Variants in SPRED1 observed in about 807,000 individuals in gnomAD.
SPRED1 encodes the protein sprouty related EVH1 domain containing 1.
In SPRED1, 18 loss-of-function variants were observed where a neutral mutation model predicts 52.3. The ratio of observed to expected loss-of-function variants is 0.34; its 90% CI spans 0.24 to 0.51. The LOEUF (loss-of-function observed/expected upper bound fraction) is 0.51, where lower values mean the gene tolerates loss of function less well. SPRED1 is among the 20% of genes least tolerant of loss of function. The probability of loss-of-function intolerance (pLI) is 0.97; values close to 1 mark genes in which losing one functional copy is unlikely to be tolerated. For missense variants in SPRED1, 485 were observed against 551.0 expected, an observed-to-expected ratio of 0.88 and a Z score of 1.20; for synonymous variants, 155 against 179.7, an observed-to-expected ratio of 0.86 and a Z score of 1.10.
chr15:38,341,731 T>C (rs1896034117), intron 5 of SPRED1, among the ~76,000 whole-genome samples: 1 of 152,130 alleles, frequency 6.6e-6, no homozygotes. Context: ...ACTTCATTTT[T>C]TTGATATTTG....
chr15:38,274,506 A>G (rs1047143304), intron 1 of SPRED1, among the ~76,000 whole-genome samples: 3 of 152,226 alleles, frequency 2.0e-5, no homozygotes, highest in Admixed American at 2.0e-4. Flanking sequence ...TTAGACCTAC[A>G]GGAGTAAGAA....
chr15:38,264,337 A>G (rs1280975501), intron 1 of SPRED1, among the ~76,000 whole-genome samples: 1 of 152,246 alleles, frequency 6.6e-6, no homozygotes, highest in Non-Finnish European at 1.5e-5. Flanking sequence ...TAGATTTTAA[A>G]GAAAAAATTA....
Position 38,296,546 on chromosome 15 carries a change from A to T in SPRED1, c.33-2827A>T, listed in dbSNP as rs1478287407. 2.0e-5 allele frequency among the ~76,000 whole-genome samples: 3 copies of T among 152,250 alleles called. No homozygotes were observed. In the East Asian group the frequency reaches 5.8e-4, roughly 29 times the overall value. On this transcript the variant is annotated intron_variant, in intron 1 of 6. Transcript: ENST00000299084. The stretch of plus-strand genomic sequence containing the variant: ...CTTCTTTTGCCTTTGACTTTATTGA[A>T]ATACTAGCTGAAAATTTTAGGAAAT...
chr15:38,336,440 T>G lies in SPRED1; in HGVS notation c.424-3297T>G, dbSNP rs2382134. 6.4e-5 allele frequency among the ~76,000 whole-genome samples: 9 copies of G among 141,050 alleles called. 1 individual carries two copies. The highest frequency in any genetic ancestry group is 2.4e-4 in the African/African-American group (9 of 37,866). 92.5% of individuals were successfully genotyped at this position (141,050 alleles called of 152,430 possible). A position where few individuals can be genotyped will look rare whatever the true frequency, so the allele number is the denominator to read the frequency against. On this transcript the variant is annotated intron_variant, in intron 4 of 6. Transcript: ENST00000299084. The stretch of plus-strand genomic sequence containing the variant: ...TGTGTGTGTATATATATATATAATA[T>G]TATATATATGTTATATATATAATAT...
At chr15:38,345,110 GTTT>G (rs1327160227) in intron 5 of SPRED1, among the ~76,000 whole-genome samples, 4 of 152,198 alleles carry the variant, frequency 2.6e-5, no homozygotes, top group Non-Finnish European at 5.9e-5. Flanking sequence ...CACAGGATGA[GTTT>G]TTCCATGGTA....
chr15:38,264,274 C>T (rs1400899653), intron 1 of SPRED1, among the ~76,000 whole-genome samples: 2 of 152,168 alleles, frequency 1.3e-5, no homozygotes, highest in Non-Finnish European at 2.9e-5. Context: ...AACTGAGATT[C>T]AAACTGCACA....
intron 1 of SPRED1, among the ~76,000 whole-genome samples, chr15:38,268,629 AATC>A (rs1181437226): frequency 2.0e-5 from 3 of 152,184 alleles, no homozygotes; most frequent in Non-Finnish European, 2.9e-5. Context: ...GTAAATGATA[AATC>A]ATCATACAGG....
chr15:38,295,455 G>A (rs1413955230), intron 1 of SPRED1, among the ~76,000 whole-genome samples: 1 of 152,082 alleles, frequency 6.6e-6, no homozygotes, highest in Admixed American at 6.6e-5. Context: ...ACGTCAGAAA[G>A]GTACAATAAA....
chr15:38,274,261 A>C (rs1894500456), intron 1 of SPRED1, among the ~76,000 whole-genome samples: 1 of 152,194 alleles, frequency 6.6e-6, no homozygotes, highest in South Asian at 2.1e-4. Context: ...ATGTAGGACC[A>C]GTTAACAATT....
In SPRED1 at chr15:38,356,867, A is replaced by G. The variant is rs1359759890; in HGVS notation, c.*5203A>G. The G allele has an allele frequency of 6.6e-6, 1 of 152,174 alleles. No homozygotes were observed. Among genetic ancestry groups the G allele is most frequent in the Non-Finnish European group, 1.5e-5 (1 of 67,998 alleles). 9.4% of individuals were successfully genotyped at this position (152,174 alleles called of 1,614,324 possible). A position where few individuals can be genotyped will look rare whatever the true frequency, so the allele number is the denominator to read the frequency against. On this transcript the variant is annotated 3_prime_UTR_variant, in exon 7 of 7. Coordinates refer to ENST00000299084, the MANE Select transcript of SPRED1 (RefSeq NM_152594.3). ...ATAAAAAATTATAGTGTATCTCAACACTAGAATAAGTTGGATTACTATATT... is the reference window on the plus strand; with the variant it reads ...ATAAAAAATTATAGTGTATCTCAACGCTAGAATAAGTTGGATTACTATATT...
chr15:38,265,614 C>T (rs887233954), intron 1 of SPRED1, among the ~76,000 whole-genome samples: 11 of 151,376 alleles, frequency 7.3e-5, no homozygotes, highest in Non-Finnish European at 1.6e-4. Flanking sequence ...ACAACTAGCT[C>T]TAAGTAGTTT....
chr15:38,272,948 A>T (rs1395251148), intron 1 of SPRED1, among the ~76,000 whole-genome samples: 2 of 152,108 alleles, frequency 1.3e-5, no homozygotes, highest in East Asian at 3.9e-4. Flanking sequence ...TCTTTGTTGG[A>T]TGCATAGTTT....
chr15:38,283,156 G>C (rs531416961), intron 1 of SPRED1, among the ~76,000 whole-genome samples: 103 of 152,292 alleles, frequency 6.8e-4, no homozygotes, highest in African/African-American at 2.4e-3. Context: ...AGTCATGACA[G>C]AAGGCGAAGG....
chr15:38,343,114 AG>A (rs1180337680), intron 5 of SPRED1, among the ~76,000 whole-genome samples: 1 of 152,096 alleles, frequency 6.6e-6, no homozygotes, highest in Non-Finnish European at 1.5e-5. Flanking sequence ...GAAATGATGG[AG>A]TAGTTAATAT....
intron 2 of SPRED1, among the ~76,000 whole-genome samples, chr15:38,308,922 A>G (rs1435838607): frequency 1.3e-5 from 2 of 152,216 alleles, no homozygotes; most frequent in African/African-American, 4.8e-5. Flanking sequence ...GAGTGGGTTT[A>G]TCATGCCACA....
At chr15:38,284,619 CAT>C (rs1026782836) in intron 1 of SPRED1, among the ~76,000 whole-genome samples, 3 of 152,088 alleles carry the variant, frequency 2.0e-5, no homozygotes, top group Admixed American at 6.6e-5. Flanking sequence ...CAACTATAAA[CAT>C]ATTTCTTTTA....
intron 1 of SPRED1, chr15:38,283,459 G>T (rs2140966529): frequency 1.0e-6 from 1 of 961,202 alleles, no homozygotes; most frequent in South Asian, 4.8e-5. Flanking sequence ...TTTATTTTGT[G>T]AAATATATTA....
At chr15:38,327,171 A>C (rs958606962) in intron 4 of SPRED1, among the ~76,000 whole-genome samples, 1 of 152,144 alleles carries the variant, frequency 6.6e-6, no homozygotes. Flanking sequence ...CTGTACCTGC[A>C]CCTGTTTAGA....
Position 38,349,449 on chromosome 15 carries a change from A to G in SPRED1, c.610A>G (p.Ile204Val), listed in dbSNP as rs758087535. ...QITFGQPGLD[I>V]QSRSMEYVQR... is the part of the protein sequence containing the mutation. ...AACATTTGGTCAGCCAGGCTTGGAC[A>G]TTCAGAGCAGAAGTATGGAATACGT... The change falls in exon 6 of 7, where the codon ATT (isoleucine) becomes GTT (valine). Residue 204 changes from isoleucine to valine, a missense_variant. By Grantham distance (29) the Ile-to-Val change is conservative. Transcript: ENST00000299084. 5.0e-6 allele frequency: 8 copies of G among 1,612,808 alleles called. No homozygotes were observed. The Admixed American group carries it at 5.0e-5, about 10-fold the overall frequency.
Sources: allele counts gnomAD v4.1 joint callset (sites outside exome capture counted in the v4.1 genomes callset), GRCh38; gene constraint gnomAD v4.1.1; transcripts MANE v1.5; gene names NCBI Gene and HGNC (gene_info 2026-07-23, HGNC 2026-07-21).